The following NT5C2 variants were observed in gnomAD, a reference collection of about 807,000 sequenced individuals.
NT5C2 encodes 5'-nucleotidase, cytosolic II, also known as cytosolic purine 5'-nucleotidase.
A neutral mutation model predicts 76.1 loss-of-function variants in NT5C2; 58 were observed. The ratio of observed to expected loss-of-function variants is 0.76; its 90% CI spans 0.62 to 0.95. The LOEUF (loss-of-function observed/expected upper bound fraction) is 0.95, where lower values mean the gene tolerates loss of function less well. NT5C2 is among the 40% of genes least tolerant of loss of function. The probability of loss-of-function intolerance (pLI) is 0.00; values close to 1 mark genes in which losing one functional copy is unlikely to be tolerated. For synonymous variants in NT5C2, 229 were observed against 237.4 expected (o/e 0.96, Z 0.32); for missense variants, 478 against 690.3 (o/e 0.69, Z 3.45).
At chr10:103,143,602 ATTTTTTTTTTTTTTTTTTT>A (rs67395221) in intron 3 of NT5C2, among the ~76,000 whole-genome samples, 1 of 53,822 alleles carries the variant, frequency 1.9e-5, no homozygotes, top group Non-Finnish European at 3.2e-5. Flanking sequence ...ATGTCCAGCT[ATTTTTTTTTTTTTTTTTTT>A]TTTTTTTTTT....
At chr10:103,123,071 T>C (rs918261425) in intron 4 of NT5C2, among the ~76,000 whole-genome samples, 3 of 152,220 alleles carry the variant, frequency 2.0e-5, no homozygotes, top group Admixed American at 6.5e-5. Flanking sequence ...AGGAAAGATA[T>C]TTCTTTCCCC....
intron 3 of NT5C2, among the ~76,000 whole-genome samples, chr10:103,154,730 T>C (rs1335441673): frequency 6.6e-6 from 1 of 152,214 alleles, no homozygotes; most frequent in African/African-American, 2.4e-5. Flanking sequence ...CATTAATATA[T>C]CTCATGGGAA....
intron 3 of NT5C2, among the ~76,000 whole-genome samples, chr10:103,140,364 A>AT (rs35653865): frequency 0.023 from 3,502 of 152,298 alleles, 83 homozygotes; most frequent in South Asian, 0.12. Context: ...ATGGTGTTGC[A>AT]AACGGTAGAA....
chr10:103,129,151 C>T (rs867835028), intron 4 of NT5C2, among the ~76,000 whole-genome samples: 46 of 113,912 alleles, frequency 4.0e-4, no homozygotes, highest in East Asian at 9.8e-4. Context: ...CCCGGCCAGC[C>T]GCCCCGTCCG....
chr10:103,102,587 C>T (rs1016261927), intron 6 of NT5C2, among the ~76,000 whole-genome samples: 21 of 149,754 alleles, frequency 1.4e-4, no homozygotes, highest in African/African-American at 3.7e-4. Flanking sequence ...AGTGCAGTGG[C>T]GTGATCTCAG....
rs185262900 is a variant in NT5C2 at position 103,088,693 on chromosome 10, T to A, written c.*979A>T. ...TGAGCCGCCGTGCCTGGCCTTGACT[T>A]GAGATTCTGAAGTGAATTTATTCAC... On this transcript the variant is annotated 3_prime_UTR_variant, in exon 19 of 19. Coordinates refer to ENST00000404739, the MANE Select transcript of NT5C2 (RefSeq NM_001351169.2). 3.5e-4 allele frequency: 61 copies of A among 175,074 alleles called. No individual in the cohort carries two copies. Among genetic ancestry groups the A allele is most frequent in the Non-Finnish European group, 1.2e-4 (10 of 81,112 alleles). The allele number at this position is 175,074 out of a possible 1,614,324, so 10.8% of individuals were successfully genotyped here.
chr10:103,186,758 C>CA (rs1271562278), intron 1 of NT5C2, among the ~76,000 whole-genome samples: 1 of 151,092 alleles, frequency 6.6e-6, no homozygotes, highest in Non-Finnish European at 1.5e-5. Context: ...ACTAAAAATA[C>CA]AAAAAAATAG....
At chr10:103,171,272 A>G (rs977000508) in intron 3 of NT5C2, among the ~76,000 whole-genome samples, 3 of 152,198 alleles carry the variant, frequency 2.0e-5, no homozygotes, top group African/African-American at 4.8e-5. Context: ...ACAAGTAACT[A>G]TATTTTTCAA....
intron 4 of NT5C2, among the ~76,000 whole-genome samples, chr10:103,119,991 T>G (rs1029977515): frequency 6.6e-6 from 1 of 151,648 alleles, no homozygotes; most frequent in African/African-American, 2.4e-5. Context: ...CCCAGCTACT[T>G]GGGAGGCTGA....
intron 3 of NT5C2, among the ~76,000 whole-genome samples, chr10:103,140,728 T>C (rs1376118471): frequency 2.0e-5 from 3 of 152,224 alleles, no homozygotes; most frequent in Non-Finnish European, 4.4e-5. Context: ...GGCATTCTAA[T>C]AGGTATGAGA....
intron 4 of NT5C2, among the ~76,000 whole-genome samples, chr10:103,126,834 C>G (rs1399921642): frequency 2.6e-5 from 4 of 152,050 alleles, no homozygotes; most frequent in African/African-American, 7.2e-5. Flanking sequence ...TTTTTGGAGA[C>G]AAGGTCTTGA....
intron 3 of NT5C2, among the ~76,000 whole-genome samples, chr10:103,174,026 G>A (rs1213218925): frequency 6.6e-6 from 1 of 151,528 alleles, no homozygotes; most frequent in African/African-American, 2.4e-5. Context: ...AACCCAGGAG[G>A]TGGAGGTTGC....
At chr10:103,156,009 T>A (rs944516401) in intron 3 of NT5C2, among the ~76,000 whole-genome samples, 6 of 151,812 alleles carry the variant, frequency 4.0e-5, no homozygotes, top group Non-Finnish European at 7.4e-5. Flanking sequence ...CAAAAAAAAA[T>A]TTAAAAATTA....
intron 10 of NT5C2, 66 bp downstream of exon 10, chr10:103,098,865 G>T: frequency 9.1e-7 from 1 of 1,097,382 alleles, no homozygotes; most frequent in Non-Finnish European, 1.4e-6. Flanking sequence ...AAATCAGCTT[G>T]TTATTAATTT....
intron 1 of NT5C2, among the ~76,000 whole-genome samples, chr10:103,183,272 T>TG (rs2091447241): frequency 8.5e-6 from 1 of 117,274 alleles, no homozygotes; most frequent in Non-Finnish European, 1.7e-5. Flanking sequence ...GATATATATA[T>TG]ATATATATAT....
intron 4 of NT5C2, chr10:103,111,749 GGCAGAT>G: frequency 8.1e-7 from 1 of 1,231,958 alleles, no homozygotes; most frequent in South Asian, 4.1e-5. Context: ...ACTCACATGA[GGCAGAT>G]GCAGATGCAG....
rs1293456997 is a variant in NT5C2, at chr10:103,090,936, C to CT, written c.1271dup (p.Lys425GlufsTer5). ...TTTCTCCCAAATCCCATTTGGATAC[C>CT]TTAATACGTCTCTGGATGGAACTGA... is the stretch of plus-strand genomic sequence containing the variant. On this transcript the variant is annotated frameshift_variant and splice_region_variant, in exon 17 of 19. Coordinates refer to ENST00000404739, the MANE Select transcript of NT5C2 (RefSeq NM_001351169.2). LOFTEE classifies it high-confidence loss of function. The CT allele has an allele frequency of 8.1e-6, 13 of 1,613,436 alleles. No individual in the cohort carries two copies. In the Admixed American group the frequency reaches 2.2e-4, roughly 27 times the overall value.
chr10:103,107,023 T>TA (rs1473414178), intron 4 of NT5C2, among the ~76,000 whole-genome samples: 1 of 152,088 alleles, frequency 6.6e-6, no homozygotes, highest in Non-Finnish European at 1.5e-5. Context: ...TCCCACAGTT[T>TA]AAAAAAATGA....
Position 103,160,743 on chromosome 10 carries a change from G to A in NT5C2, c.101+14115C>T, listed in dbSNP as rs188256230. Among the ~76,000 whole-genome samples the A allele has an allele frequency of 2.6e-4, 40 of 152,218 alleles. No individual in the cohort carries two copies. The East Asian group carries it at 6.0e-3, about 23-fold the overall frequency. ...TAATTAAAAAGGCAGGGCCAGGCAC[G>A]GTGGCTCACGCCTGTAATCCCAGCA... is the stretch of plus-strand genomic sequence containing the variant. On this transcript the variant is annotated intron_variant, in intron 3 of 18. Transcript: ENST00000404739.
Sources: allele counts gnomAD v4.1 joint callset (sites outside exome capture counted in the v4.1 genomes callset), GRCh38; gene constraint gnomAD v4.1.1; transcripts MANE v1.5; gene names NCBI Gene and HGNC (gene_info 2026-07-23, HGNC 2026-07-21).